The following DLGAP4 variants were observed in gnomAD, a reference collection of about 807,000 sequenced individuals.
DLGAP4 encodes disks large-associated protein 4.
In DLGAP4, 18 loss-of-function variants were observed where a neutral mutation model predicts 86.9. That is an observed-to-expected ratio of 0.21 (90% CI 0.14 to 0.31). The LOEUF (loss-of-function observed/expected upper bound fraction) is 0.31. Among genes scored for constraint, DLGAP4 ranks in the 10% least tolerant of loss-of-function variants. The pLI, the probability that DLGAP4 is intolerant of heterozygous loss-of-function variation, is 1.00. For synonymous variants in DLGAP4, 548 were observed against 574.3 expected (o/e 0.95, Z 0.65); for missense variants, 1,085 against 1,362.6 (o/e 0.80, Z 3.21).
chr20:36,382,711 G>A (rs2031448867), intron 2 of DLGAP4, among the ~76,000 whole-genome samples: 1 of 151,572 alleles, frequency 6.6e-6, no homozygotes. Context: ...TGTATTTTTA[G>A]TAGAGACAGG....
intron 8 of DLGAP4, chr20:36,498,278 G>C (rs919541592): frequency 2.0e-5 from 3 of 152,230 alleles, no homozygotes; most frequent in African/African-American, 7.2e-5. Context: ...AGGAGACTCT[G>C]CTGCTGTTTT....
intron 1 of DLGAP4, among the ~76,000 whole-genome samples, chr20:36,316,034 G>A (rs1376955397): frequency 1.3e-5 from 2 of 152,344 alleles, no homozygotes; most frequent in East Asian, 3.9e-4. Context: ...AGGCCAGCGG[G>A]AAGGCAGCCT....
At chr20:36,510,072 A>G (rs2036605878) in intron 10 of DLGAP4, among the ~76,000 whole-genome samples, 1 of 151,862 alleles carries the variant, frequency 6.6e-6, no homozygotes, top group Non-Finnish European at 1.5e-5. Flanking sequence ...CCTGACCTCA[A>G]GTGATCCGCC....
intron 7 of DLGAP4, among the ~76,000 whole-genome samples, chr20:36,463,686 G>A (rs1032687740): frequency 1.3e-5 from 2 of 152,224 alleles, no homozygotes; most frequent in Non-Finnish European, 2.9e-5. Context: ...TTAAGGGTGG[G>A]CCCTGCTTGG....
chr20:36,514,624 G>A (rs1210366192), intron 10 of DLGAP4, among the ~76,000 whole-genome samples: 1 of 151,968 alleles, frequency 6.6e-6, no homozygotes, highest in African/African-American at 2.4e-5. Flanking sequence ...TTGTTGCCTA[G>A]GCTGGTCTCA....
chr20:36,392,590 G>A (rs1334870213), intron 2 of DLGAP4, among the ~76,000 whole-genome samples: 1 of 148,224 alleles, frequency 6.7e-6, no homozygotes, highest in African/African-American at 2.5e-5. Flanking sequence ...GGCTGCTCTC[G>A]AACTCCTGAC....
Position 36,497,003 on chromosome 20 carries a change from G to A in DLGAP4, c.1947G>A (p.Leu649=), listed in dbSNP as rs749995044. Residue 649 remains leucine, a synonymous_variant, in exon 8 of 13, where the codon CTG becomes CTA. Transcript: ENST00000339266. Reference sequence around the variant, plus strand: ...CTCTGAAAAGTGAACAAGGGACGCTGACCAGCTCTGAGTCCCACCCCGAGG... The same window carrying A: ...CTCTGAAAAGTGAACAAGGGACGCTAACCAGCTCTGAGTCCCACCCCGAGG... ...HAALKSEQGT[L]TSSESHPEAA... 3 of 1,613,980 alleles carry A rather than the reference G, an allele frequency of 1.9e-6. No homozygotes were observed. The highest frequency in any genetic ancestry group is 1.7e-5 in the Admixed American group (1 of 59,996).
chr20:36,310,377 GA>G (rs2065044006), intron 1 of DLGAP4, among the ~76,000 whole-genome samples: 1 of 152,146 alleles, frequency 6.6e-6, no homozygotes, highest in African/African-American at 2.4e-5. Context: ...GTGGTGGAGG[GA>G]GTAGGGTGCA....
intron 10 of DLGAP4, among the ~76,000 whole-genome samples, chr20:36,504,758 T>C (rs1215766257): frequency 6.6e-6 from 1 of 152,260 alleles, no homozygotes; most frequent in Non-Finnish European, 1.5e-5. Flanking sequence ...CCTTATGATA[T>C]TGAGCATCTT....
chr20:36,427,416 T>G (rs954409090), intron 2 of DLGAP4, among the ~76,000 whole-genome samples: 1 of 150,762 alleles, frequency 6.6e-6, no homozygotes, highest in Non-Finnish European at 1.5e-5. Flanking sequence ...AGGCAGAGGT[T>G]GCAGTGAGCT....
At chr20:36,415,003 T>C (rs916196539) in intron 2 of DLGAP4, among the ~76,000 whole-genome samples, 1 of 152,088 alleles carries the variant, frequency 6.6e-6, no homozygotes, top group Non-Finnish European at 1.5e-5. Flanking sequence ...CAGTGGCTCA[T>C]TCCTGTAATA....
In DLGAP4 at chr20:36,436,079, G is replaced by C. The variant is rs960672198; in HGVS notation, c.1000-30G>C. ...CGCCATCTGCTCATTTTCTGCGGTG[G>C]CCCCACTGAGTCCTGTGCCCCATCC... On this transcript the variant is annotated intron_variant, in intron 3 of 12. Transcript: ENST00000339266. The C allele has an allele frequency of 3.9e-6, 6 of 1,525,064 alleles. No individual in the cohort carries two copies. In the African/African-American group the frequency reaches 7.0e-5, roughly 18 times the overall value. The allele number at this position is 1,525,064 out of a possible 1,614,324, so 94.5% of individuals were successfully genotyped here. A position where few individuals can be genotyped will look rare whatever the true frequency, so the allele number is the denominator to read the frequency against.
intron 1 of DLGAP4, among the ~76,000 whole-genome samples, chr20:36,335,460 G>A (rs1197076398): frequency 1.3e-5 from 2 of 152,112 alleles, no homozygotes; most frequent in African/African-American, 4.8e-5. Context: ...CTGTTAAGAG[G>A]AATAAAGAGA....
chr20:36,318,577 C>T (rs1410698929), intron 1 of DLGAP4, among the ~76,000 whole-genome samples: 1 of 152,128 alleles, frequency 6.6e-6, no homozygotes, highest in Non-Finnish European at 1.5e-5. Flanking sequence ...TCTCGCTTTG[C>T]TGCCCAGGCT....
In DLGAP4 at chr20:36,349,104, C is replaced by CA. The variant is rs539585564; in HGVS notation, c.-303-17908dup. Among the ~76,000 whole-genome samples, 296 of 39,892 alleles carry CA rather than the reference C, an allele frequency of 7.4e-3. 23 individuals carry two copies. The highest frequency in any genetic ancestry group is 9.7e-3 in the East Asian group (5 of 514). The allele number at this position is 39,892 out of a possible 152,430, so 26.2% of individuals were successfully genotyped here. Reference sequence around the variant, plus strand: ...GGCGTGACAGAACAAGACTCCATCTCAAAAAAAAAAAAAAAAAAAAAAAAA... The same window carrying CA: ...GGCGTGACAGAACAAGACTCCATCTCAAAAAAAAAAAAAAAAAAAAAAAAAA... On this transcript the variant is annotated intron_variant, in intron 1 of 12. Transcript: ENST00000339266.
chr20:36,402,450 A>G (rs1400270290), intron 2 of DLGAP4, among the ~76,000 whole-genome samples: 1 of 152,178 alleles, frequency 6.6e-6, no homozygotes, highest in African/African-American at 2.4e-5. Context: ...TACTACTGCT[A>G]TCATCATCAT....
intron 10 of DLGAP4, among the ~76,000 whole-genome samples, chr20:36,520,436 C>G (rs1440360970): frequency 2.0e-5 from 3 of 152,090 alleles, no homozygotes; most frequent in Non-Finnish European, 4.4e-5. Context: ...CCCTCCACCT[C>G]CCAGGTTCAA....
intron 1 of DLGAP4, among the ~76,000 whole-genome samples, chr20:36,335,679 G>T (rs904820615): frequency 6.6e-6 from 1 of 152,156 alleles, no homozygotes; most frequent in Admixed American, 6.5e-5. Context: ...GTTCCCGAAC[G>T]TGCAGGAGGT....
At chr20:36,522,523 T>G (rs2037440103) in intron 10 of DLGAP4, among the ~76,000 whole-genome samples, 1 of 152,118 alleles carries the variant, frequency 6.6e-6, no homozygotes, top group Admixed American at 6.6e-5. Flanking sequence ...ATGCTCCTTT[T>G]GTTTGTTTGG....
Sources: gnomAD v4.1 joint callset for allele counts (sites outside exome capture counted in the v4.1 genomes callset) on GRCh38, gnomAD v4.1.1 for gene constraint, MANE v1.5 for transcripts, NCBI Gene and HGNC (gene_info 2026-07-23, HGNC 2026-07-21) for gene names.